The following CECR2 variants were observed in gnomAD, a reference collection of about 807,000 sequenced individuals.
CECR2 encodes the protein CECR2 histone acetyl-lysine reader.
In CECR2, 30 loss-of-function variants were observed where a neutral mutation model predicts 154.5. The ratio of observed to expected loss-of-function variants is 0.19; its 90% CI spans 0.15 to 0.26. The LOEUF (loss-of-function observed/expected upper bound fraction) is 0.26, where lower values mean the gene tolerates loss of function less well. Among genes scored for constraint, CECR2 ranks in the 10% least tolerant of loss-of-function variants. The probability of loss-of-function intolerance (pLI) is 1.00; values close to 1 mark genes in which losing one functional copy is unlikely to be tolerated. For synonymous variants in CECR2, 725 were observed against 683.7 expected (o/e 1.06, Z -0.94); for missense variants, 1,743 against 1,829.3 (o/e 0.95, Z 0.86).
intron 13 of CECR2, among the ~76,000 whole-genome samples, chr22:17,539,342 C>T (rs1209690328): frequency 1.3e-5 from 2 of 152,164 alleles, no homozygotes; most frequent in Non-Finnish European, 1.5e-5. Context: ...ACTGGCTCAT[C>T]CTGGAGACCA....
At chr22:17,495,385 G>A (rs886896681) in intron 2 of CECR2, among the ~76,000 whole-genome samples, 2 of 151,694 alleles carry the variant, frequency 1.3e-5, no homozygotes, top group Non-Finnish European at 2.9e-5. Flanking sequence ...CCTGGCCAAC[G>A]TGGTGAAACC....
At chr22:17,418,938 C>T (rs535978717) in intron 1 of CECR2, 13 of 202,472 alleles carry the variant, frequency 6.4e-5, no homozygotes, top group African/African-American at 2.6e-4. Flanking sequence ...GTGGAGCCAG[C>T]GAGAGGCTGG....
chr22:17,410,275 G>T (rs927458473), intron 1 of CECR2, among the ~76,000 whole-genome samples: 1 of 151,894 alleles, frequency 6.6e-6, no homozygotes, highest in Non-Finnish European at 1.5e-5. Context: ...CACCGCGCCC[G>T]GCCCTGTCAA....
chr22:17,474,905 A>G (rs1482507515), intron 1 of CECR2, among the ~76,000 whole-genome samples: 1 of 152,044 alleles, frequency 6.6e-6, no homozygotes, highest in Non-Finnish European at 1.5e-5. Context: ...GCTTTAAGCA[A>G]TCCTCCCATC....
At chr22:17,526,808 C>CAAAAAAAA (rs34800488) in intron 9 of CECR2, among the ~76,000 whole-genome samples, 1 of 71,682 alleles carries the variant, frequency 1.4e-5, no homozygotes. Flanking sequence ...GACTCCATCT[C>CAAAAAAAA]AAAAAAAAAA....
chr22:17,538,876 C>T, intron 12 of CECR2, 117 bp from the exon 13 acceptor site: 2 of 1,361,592 alleles, frequency 1.5e-6, no homozygotes, highest in South Asian at 2.8e-5. Context: ...CTCGTTTTAT[C>T]TGTTATTCAT....
In CECR2 at chr22:17,387,199, T is replaced by G. The variant is rs549128755; in HGVS notation, c.126+17290T>G. Among the ~76,000 whole-genome samples, 9 of 152,326 alleles carry G rather than the reference T, an allele frequency of 5.9e-5. No individual in the cohort carries two copies. In the South Asian group the frequency reaches 1.0e-3, roughly 18 times the overall value. Reference sequence around the variant, plus strand: ...GGGAGTTACAGCTCAACAGAAAGCCTTCTTTTGTCTCATTTCTCCACTGGT... The same window carrying G: ...GGGAGTTACAGCTCAACAGAAAGCCGTCTTTTGTCTCATTTCTCCACTGGT... On this transcript the variant is annotated intron_variant, in intron 1 of 18. Coordinates refer to ENST00000262608, the MANE Select transcript of CECR2 (RefSeq NM_001290047.2).
At chr22:17,394,118 C>T (rs933643574) in intron 1 of CECR2, among the ~76,000 whole-genome samples, 1 of 151,022 alleles carries the variant, frequency 6.6e-6, no homozygotes, top group Non-Finnish European at 1.5e-5. Context: ...AACTCCCGAC[C>T]TCAGGTGATC....
intron 7 of CECR2, among the ~76,000 whole-genome samples, chr22:17,505,288 C>T (rs2146899602): frequency 6.6e-6 from 1 of 152,002 alleles, no homozygotes; most frequent in South Asian, 2.1e-4. Context: ...ACCAACTTTC[C>T]TTCTCCCATA....
At chr22:17,503,421 G>T (rs189478711) in intron 6 of CECR2, among the ~76,000 whole-genome samples, 1 of 152,242 alleles carries the variant, frequency 6.6e-6, no homozygotes, top group Admixed American at 6.5e-5. Context: ...TCAAAGAGAG[G>T]TCTTTTTAAT....
chr22:17,371,689 C>A (rs1039104058), intron 1 of CECR2, among the ~76,000 whole-genome samples: 1 of 152,134 alleles, frequency 6.6e-6, no homozygotes, highest in South Asian at 2.1e-4. Context: ...GGTAAACTTG[C>A]ACCTAGTCCC....
At chr22:17,489,775 G>A (rs1053944250) in intron 2 of CECR2, among the ~76,000 whole-genome samples, 14 of 151,888 alleles carry the variant, frequency 9.2e-5, no homozygotes, top group African/African-American at 3.4e-4. Flanking sequence ...CTTTTTAAAT[G>A]TTTACTAAGG....
At position 17,540,413 on chromosome 22, in the gene CECR2, G is replaced by A; in HGVS notation, c.1497G>A (p.Glu499=). 1 of 1,536,312 alleles carries A rather than the reference G, an allele frequency of 6.5e-7. No homozygotes were observed. The highest frequency in any genetic ancestry group is 8.8e-7 in the Non-Finnish European group (1 of 1,141,178). Residue 499 remains glutamate, a splice_region_variant and synonymous_variant, in exon 14 of 19, where the codon GAG becomes GAA. Coordinates refer to ENST00000262608, the MANE Select transcript of CECR2 (RefSeq NM_001290047.2). ...NCRKYNGESS[E]YTKMSDNLER... is the part of the protein sequence containing the mutation. Reference sequence around the variant, plus strand: ...GTCAATCCTCCTGTCTTCCTATAGAGTATACCAAGATGTCTGATAATTTAG... The same window carrying A: ...GTCAATCCTCCTGTCTTCCTATAGAATATACCAAGATGTCTGATAATTTAG...
chr22:17,414,204 C>T (rs2054117606), intron 1 of CECR2, among the ~76,000 whole-genome samples: 2 of 152,058 alleles, frequency 1.3e-5, no homozygotes, highest in Admixed American at 1.3e-4. Context: ...GATCGCCTGA[C>T]CTCGTGATCC....
chr22:17,377,537 C>T (rs1181639265), intron 1 of CECR2, among the ~76,000 whole-genome samples: 1 of 151,866 alleles, frequency 6.6e-6, no homozygotes, highest in East Asian at 1.9e-4. Flanking sequence ...AGCTGGGACT[C>T]CAGGCACATG....
At chr22:17,518,682 A>C (rs1350429097) in intron 8 of CECR2, 1 of 445,684 alleles carries the variant, frequency 2.2e-6, no homozygotes, top group Non-Finnish European at 4.6e-6. Flanking sequence ...CTTATTGATG[A>C]ATTACTGTTT....
chr22:17,531,212 G>C (rs1455647718), intron 9 of CECR2, among the ~76,000 whole-genome samples: 2 of 152,100 alleles, frequency 1.3e-5, no homozygotes, highest in African/African-American at 4.8e-5. Flanking sequence ...CAAAAAAAAA[G>C]GTTAAAGGGA....
In CECR2 at chr22:17,533,895, T is replaced by C. The variant is rs922430071; in HGVS notation, c.1109-3208T>C. Among the ~76,000 whole-genome samples the C allele has an allele frequency of 4.6e-5, 7 of 151,830 alleles. No individual in the cohort carries two copies. In the East Asian group the frequency reaches 1.4e-3, roughly 30 times the overall value. ...CCACGCCTGGCTAATTTTGTATTTTTAGTAGACAGGGTTTCTCCATGTTGG... is the reference window on the plus strand; with the variant it reads ...CCACGCCTGGCTAATTTTGTATTTTCAGTAGACAGGGTTTCTCCATGTTGG... On this transcript the variant is annotated intron_variant, in intron 9 of 18. Transcript: ENST00000262608.
chr22:17,466,729 G>A (rs2055039160), intron 1 of CECR2, among the ~76,000 whole-genome samples: 1 of 151,946 alleles, frequency 6.6e-6, no homozygotes, highest in African/African-American at 2.4e-5. Flanking sequence ...TGAGTAGATG[G>A]GATTACAGGC....
Sources: gnomAD v4.1 joint callset for allele counts (sites outside exome capture counted in the v4.1 genomes callset) on GRCh38, gnomAD v4.1.1 for gene constraint, MANE v1.5 for transcripts, NCBI Gene and HGNC (gene_info 2026-07-23, HGNC 2026-07-21) for gene names.